Variants in PDE9A observed in about 807,000 individuals in gnomAD.
PDE9A encodes the protein high affinity cGMP-specific 3',5'-cyclic phosphodiesterase 9A.
In PDE9A, 60 loss-of-function variants were observed where a neutral mutation model predicts 87.4. The observed-to-expected ratio is 0.69, with a 90% confidence interval of 0.56 to 0.85. PDE9A has a LOEUF of 0.85. Among genes scored for constraint, PDE9A ranks in the 40% least tolerant of loss-of-function variants. The pLI, the probability that PDE9A is intolerant of heterozygous loss-of-function variation, is 0.00. For synonymous variants in PDE9A, 272 were observed against 279.4 expected, an observed-to-expected ratio of 0.97 and a Z score of 0.27; for missense variants, 665 against 779.0, an observed-to-expected ratio of 0.85 and a Z score of 1.74.
chr21:42,760,911 T>C lies in PDE9A; in HGVS notation c.1085+4T>C, dbSNP rs776213866. On this transcript the variant is annotated splice_donor_region_variant and intron_variant, in intron 13 of 19. Transcript: ENST00000291539. This position sits in a 1 kb window ranked among gnomAD's most constrained non-coding sequence, Gnocchi z 5.2. ...ACCATCCCGGCTACAACAACACGTA[T>C]GTACAGGATTTTCTCTTTTTTTCCT... is the stretch of plus-strand genomic sequence containing the variant. The C allele has an allele frequency of 1.3e-6, 2 of 1,593,318 alleles. 1 individual carries two copies. Among genetic ancestry groups the C allele is most frequent in the South Asian group, 2.2e-5 (2 of 90,644 alleles).
chr21:42,761,454 CA>C (rs1315759280), intron 13 of PDE9A, among the ~76,000 whole-genome samples: 3 of 152,370 alleles, frequency 2.0e-5, no homozygotes, highest in Admixed American at 1.3e-4. Flanking sequence ...CCTCCACAGG[CA>C]CAGAGTTCCG....
chr21:42,710,520 C>G (rs757712142), intron 4 of PDE9A, among the ~76,000 whole-genome samples: 2 of 152,186 alleles, frequency 1.3e-5, no homozygotes, highest in Non-Finnish European at 2.9e-5. Flanking sequence ...TGTTCCACAT[C>G]CCTGCAACAC....
chr21:42,726,671 G>A lies in PDE9A; in HGVS notation c.263-5099G>A, dbSNP rs200658556. ...AGATGGAGATCTCTCTTTGTTCCCC[G>A]GCTGGTCTCAAACTCCTGGGCTCAA... On this transcript the variant is annotated intron_variant, in intron 4 of 19. Coordinates refer to ENST00000291539, the MANE Select transcript of PDE9A (RefSeq NM_002606.3). Among the ~76,000 whole-genome samples, 16 of 100,566 alleles carry A rather than the reference G, an allele frequency of 1.6e-4. No individual in the cohort carries two copies. In the East Asian group the frequency reaches 4.2e-3, roughly 26 times the overall value. 66.0% of individuals were successfully genotyped at this position (100,566 alleles called of 152,430 possible). A position where few individuals can be genotyped will look rare whatever the true frequency, so the allele number is the denominator to read the frequency against.
At chr21:42,701,906 G>C (rs953745813) in intron 4 of PDE9A, among the ~76,000 whole-genome samples, 4 of 152,080 alleles carry the variant, frequency 2.6e-5, no homozygotes, top group African/African-American at 9.7e-5. Flanking sequence ...TTTCCCTCTG[G>C]CAACTTAAGA....
At position 42,692,938 on chromosome 21, in the gene PDE9A, G is replaced by A. The variant is rs1033270553; in HGVS notation, c.218+4944G>A. ...CTCACCGTTTCTCTCCCGCCCCCCG[G>A]CCGCATGCTGCAGCCATTCCCTCAC... On this transcript the variant is annotated intron_variant, in intron 3 of 19. Coordinates refer to ENST00000291539, the MANE Select transcript of PDE9A (RefSeq NM_002606.3). This position sits in a 1 kb window ranked among gnomAD's most constrained non-coding sequence, Gnocchi z 4.3. Among the ~76,000 whole-genome samples the A allele has an allele frequency of 6.6e-6, 1 of 152,154 alleles. No individual in the cohort carries two copies. Among genetic ancestry groups the A allele is most frequent in the Non-Finnish European group, 1.5e-5 (1 of 68,018 alleles).
chr21:42,745,213 C>T (rs1444260964), intron 8 of PDE9A, among the ~76,000 whole-genome samples: 1 of 152,120 alleles, frequency 6.6e-6, no homozygotes, highest in Non-Finnish European at 1.5e-5. Context: ...CCTCAAAGCC[C>T]CGGGGGCCTG....
chr21:42,698,022 G>T (rs980627535), intron 3 of PDE9A, among the ~76,000 whole-genome samples: 1 of 152,200 alleles, frequency 6.6e-6, no homozygotes, highest in Admixed American at 6.5e-5. Context: ...AATGGGTAGA[G>T]CGAGTGAATG....
In PDE9A at chr21:42,692,256, C is replaced by T. The variant is rs11702318; in HGVS notation, c.218+4262C>T. Among the ~76,000 whole-genome samples the T allele has an allele frequency of 0.67, 102,542 of 151,988 alleles. 35,408 individuals carry two copies. Among genetic ancestry groups the T allele is most frequent in the East Asian group, 0.94 (4,846 of 5,152 alleles). ...TCTGCACTGCCCAGAGCAGTTTTTT[C>T]TTCTGGGGACGCAGGGCAACGTCTG... On this transcript the variant is annotated intron_variant, in intron 3 of 19. Transcript: ENST00000291539. This position sits in a 1 kb window ranked among gnomAD's most constrained non-coding sequence, Gnocchi z 4.3.
At chr21:42,690,020 AG>A (rs2059706865) in intron 3 of PDE9A, 1 of 985,364 alleles carries the variant, frequency 1.0e-6, no homozygotes, top group Admixed American at 6.1e-5. Context: ...ATACAGGTGA[AG>A]AAGGTGGAGA....
intron 4 of PDE9A, among the ~76,000 whole-genome samples, chr21:42,720,971 T>C (rs1483281681): frequency 1.3e-5 from 2 of 151,578 alleles, no homozygotes; most frequent in Non-Finnish European, 2.9e-5. Context: ...CGCCATTGCA[T>C]TCCAGCCTGG....
At chr21:42,683,595 A>G (rs867706403) in intron 1 of PDE9A, among the ~76,000 whole-genome samples, 1 of 152,172 alleles carries the variant, frequency 6.6e-6, no homozygotes, top group African/African-American at 2.4e-5. Flanking sequence ...ACCTGGCCCC[A>G]TGCTCCTGAG....
intron 4 of PDE9A, among the ~76,000 whole-genome samples, chr21:42,700,496 G>A (rs140146804): frequency 1.3e-5 from 2 of 152,280 alleles, no homozygotes; most frequent in Non-Finnish European, 2.9e-5. Flanking sequence ...TTTGTCTGAC[G>A]TTTCTCTCAC....
chr21:42,656,127 G>A (rs368683168), intron 1 of PDE9A, among the ~76,000 whole-genome samples: 3 of 152,120 alleles, frequency 2.0e-5, no homozygotes, highest in Non-Finnish European at 2.9e-5. Context: ...AATTTCCAGC[G>A]TGAATCTGTC....
intron 3 of PDE9A, among the ~76,000 whole-genome samples, chr21:42,691,594 C>T (rs997446639): frequency 3.3e-5 from 5 of 151,390 alleles, no homozygotes; most frequent in African/African-American, 1.2e-4. Flanking sequence ...GACACATCAC[C>T]ATCACCATCC....
chr21:42,759,069 C>T lies in PDE9A; in HGVS notation c.881C>T (p.Thr294Ile). Residue 294 changes from threonine to isoleucine, a missense_variant, in exon 11 of 20, where the codon ACC becomes ATC. Physicochemically the swap from Thr to Ile is moderately conservative, Grantham distance 89. Transcript: ENST00000291539. This position sits in a 1 kb window ranked among gnomAD's most constrained non-coding sequence, Gnocchi z 7.2. ...LVRDFSINPVTLRRWLFCVHD... is the reference protein window; with the variant it reads ...LVRDFSINPVILRRWLFCVHD... ...AGGGACTTCAGCATCAACCCTGTCA[C>T]CCTCAGGAGGTGGCTGGTGAGTGCC... The T allele has an allele frequency of 6.2e-7, 1 of 1,613,768 alleles. No homozygotes were observed. Among genetic ancestry groups the T allele is most frequent in the Non-Finnish European group, 8.5e-7 (1 of 1,179,668 alleles).
At chr21:42,762,330 C>T (rs2055881041) in intron 14 of PDE9A, 91 bp downstream of exon 14, 1 of 1,376,392 alleles carries the variant, frequency 7.3e-7, no homozygotes, top group Non-Finnish European at 1.0e-6. Context: ...CTCCCAGAAG[C>T]TCCTGGCCAC....
At chr21:42,689,021 C>A (rs919939631) in intron 3 of PDE9A, among the ~76,000 whole-genome samples, 1 of 152,026 alleles carries the variant, frequency 6.6e-6, no homozygotes, top group Non-Finnish European at 1.5e-5. Context: ...GTAGACATGG[C>A]CAGTGCCGTC....
chr21:42,681,416 A>G (rs1035327166), intron 1 of PDE9A, among the ~76,000 whole-genome samples: 13 of 152,256 alleles, frequency 8.5e-5, no homozygotes, highest in African/African-American at 2.9e-4. Flanking sequence ...CCTGATGTAC[A>G]CTTCTGGCTG....
chr21:42,752,863 C>T (rs951740078), intron 9 of PDE9A, among the ~76,000 whole-genome samples: 2 of 152,192 alleles, frequency 1.3e-5, no homozygotes, highest in Non-Finnish European at 2.9e-5. Flanking sequence ...CCAGGGGCAC[C>T]GGCCCCATCA....
Sources: gnomAD v4.1 joint callset for allele counts (sites outside exome capture counted in the v4.1 genomes callset) on GRCh38, gnomAD v4.1.1 for gene constraint, Gnocchi (gnomAD v3.1) non-coding constraint, MANE v1.5 for transcripts, NCBI Gene and HGNC (gene_info 2026-07-23, HGNC 2026-07-21) for gene names.